SULF2: variants seen among roughly 807,000 people sequenced by gnomAD.
SULF2 encodes extracellular sulfatase Sulf-2.
A neutral mutation model predicts 107.7 loss-of-function variants in SULF2; 52 were observed. That is an observed-to-expected ratio of 0.48 (90% CI 0.39 to 0.61). SULF2 has a LOEUF of 0.61. SULF2 is among the 20% of genes least tolerant of loss of function. SULF2 has a pLI of 0.00. For missense variants in SULF2, 993 were observed against 1,177.3 expected, an observed-to-expected ratio of 0.84 and a Z score of 2.29; for synonymous variants, 460 against 464.3, an observed-to-expected ratio of 0.99 and a Z score of 0.12.
intron 3 of SULF2, among the ~76,000 whole-genome samples, chr20:47,731,191 T>TTTTTTTTTTTTTTTTTTTTA (rs2089599006): frequency 1.0e-5 from 1 of 96,476 alleles, no homozygotes; most frequent in African/African-American, 4.2e-5. Flanking sequence ...TCTTCTCTTT[T>TTTTTTTTTTTTTTTTTTTTA]TTTTTTTTTT....
chr20:47,700,794 C>T (rs549908701), intron 4 of SULF2, among the ~76,000 whole-genome samples: 4 of 152,170 alleles, frequency 2.6e-5, no homozygotes, highest in East Asian at 1.9e-4. Context: ...TACAGGCGCC[C>T]GCCACCACGC....
At chr20:47,665,979 G>T in intron 12 of SULF2, 26 bp from the exon 13 acceptor site, 1 of 1,610,534 alleles carries the variant, frequency 6.2e-7, no homozygotes, top group East Asian at 2.2e-5. Flanking sequence ...GATCACGTGT[G>T]GCTCGGAGGT....
At chr20:47,770,776 G>T (rs1180709729) in intron 1 of SULF2, among the ~76,000 whole-genome samples, 1 of 152,120 alleles carries the variant, frequency 6.6e-6, no homozygotes, top group African/African-American at 2.4e-5. Flanking sequence ...GGGAGGGGCT[G>T]CGGAGTGGGC....
chr20:47,757,057 G>A (rs1406898926), intron 2 of SULF2, 132 bp downstream of exon 2: 5 of 800,032 alleles, frequency 6.2e-6, no homozygotes, highest in African/African-American at 5.2e-5. Flanking sequence ...TGGGTGGCCC[G>A]TGTCTTGGTT....
intron 4 of SULF2, among the ~76,000 whole-genome samples, chr20:47,699,012 C>T (rs1048725401): frequency 9.9e-5 from 15 of 152,164 alleles, no homozygotes; most frequent in African/African-American, 3.1e-4. Context: ...GTCTGGGCAA[C>T]AAGCACAAAA....
At chr20:47,783,007 TCTAC>T (rs1215306133) in intron 1 of SULF2, among the ~76,000 whole-genome samples, 1 of 152,204 alleles carries the variant, frequency 6.6e-6, no homozygotes, top group East Asian at 1.9e-4. Context: ...GAATCCCAGC[TCTAC>T]CTGTGACCAG....
Position 47,678,517 on chromosome 20 carries a change from C to CTTCTCTCCCACGGGGACCATGG in SULF2, c.1193+158_1193+159insCCATGGTCCCCGTGGGAGAGAA. ...ACAGAATCTCGGAGAGGGGACCATG[C>CTTCTCTCCCACGGGGACCATGG]TTCTCTCCCACAGCAGGTAAGTGGT... On this transcript the variant is annotated intron_variant, in intron 8 of 20. Transcript: ENST00000688720. The surrounding 1 kb of genome is among the most constrained non-coding windows in gnomAD (Gnocchi z 4.5). 1 of 933,388 alleles carries CTTCTCTCCCACGGGGACCATGG rather than the reference C, an allele frequency of 1.1e-6. No homozygotes were observed. Among genetic ancestry groups the CTTCTCTCCCACGGGGACCATGG allele is most frequent in the Non-Finnish European group, 1.6e-6 (1 of 618,952 alleles). 57.8% of individuals were successfully genotyped at this position (933,388 alleles called of 1,614,324 possible).
intron 4 of SULF2, among the ~76,000 whole-genome samples, chr20:47,697,977 G>A (rs1287980440): frequency 2.6e-5 from 4 of 152,256 alleles, no homozygotes; most frequent in Non-Finnish European, 4.4e-5. Flanking sequence ...ATTCCAAGGA[G>A]TCCATGCCGG....
chr20:47,786,577 G>C (rs1333963827), upstream of SULF2: 2 of 152,116 alleles, frequency 1.3e-5, no homozygotes, highest in East Asian at 1.9e-4. Context: ...AATTAACTTC[G>C]GCTCAAGTGA....
chr20:47,765,604 C>T (rs915705224), intron 1 of SULF2, among the ~76,000 whole-genome samples: 2 of 152,146 alleles, frequency 1.3e-5, no homozygotes, highest in African/African-American at 4.8e-5. Context: ...TCATTTCTCT[C>T]TTCCTTCATT....
At chr20:47,672,024 C>T (rs1423735198) in intron 11 of SULF2, among the ~76,000 whole-genome samples, 174 bp downstream of exon 11, 1 of 152,182 alleles carries the variant, frequency 6.6e-6, no homozygotes, top group Non-Finnish European at 1.5e-5. Flanking sequence ...CTGTTTATTA[C>T]TACTGCTCCC....
At chr20:47,744,245 C>T (rs766344040) in intron 2 of SULF2, among the ~76,000 whole-genome samples, 38 of 152,180 alleles carry the variant, frequency 2.5e-4, no homozygotes, top group East Asian at 1.9e-4. Flanking sequence ...TGCAGCGGCG[C>T]GATCTCGGCT....
intron 18 of SULF2, 46 bp from the exon 19 acceptor site, chr20:47,659,776 G>C: frequency 2.0e-6 from 3 of 1,521,180 alleles, no homozygotes; most frequent in Non-Finnish European, 2.7e-6. Context: ...AGATAGTTTA[G>C]GCAAAACAAC....
chr20:47,737,037 G>C, intron 2 of SULF2, 95 bp from the exon 3 acceptor site: 1 of 1,563,232 alleles, frequency 6.4e-7, no homozygotes, highest in Non-Finnish European at 8.7e-7. Flanking sequence ...TAGGTCTGGA[G>C]TGGGCACATT....
chr20:47,690,783 C>T (rs529065036), intron 4 of SULF2, among the ~76,000 whole-genome samples: 6 of 151,024 alleles, frequency 4.0e-5, no homozygotes, highest in African/African-American at 1.2e-4. Context: ...GCAGGAGAAT[C>T]GCTTGAACAC....
intron 2 of SULF2, among the ~76,000 whole-genome samples, chr20:47,740,535 G>A (rs565383043): frequency 3.9e-5 from 6 of 152,164 alleles, no homozygotes; most frequent in Non-Finnish European, 7.3e-5. Flanking sequence ...GCCACTGGGA[G>A]CTCCAGGCAG....
At chr20:47,745,149 G>A (rs952768549) in intron 2 of SULF2, among the ~76,000 whole-genome samples, 8 of 151,824 alleles carry the variant, frequency 5.3e-5, no homozygotes, top group Admixed American at 1.3e-4. Flanking sequence ...TAGGTATAAG[G>A]TTTGACTATG....
chr20:47,711,093 G>A (rs945919505), intron 3 of SULF2, among the ~76,000 whole-genome samples: 38 of 152,224 alleles, frequency 2.5e-4, no homozygotes, highest in African/African-American at 8.0e-4. Context: ...GACAATGGGG[G>A]AGACAGAGGG....
Position 47,677,400 on chromosome 20 carries a change from CTGTG to C in SULF2, c.1194-270_1194-267del, listed in dbSNP as rs58936261. ...ATCACTGTAAGTCCCACCCAAGTAA[CTGTG>C]TGTGTGTGTGTGTGTGTGTGTGTGT... On this transcript the variant is annotated intron_variant, in intron 8 of 20. Transcript: ENST00000688720. 8.6e-4 allele frequency among the ~76,000 whole-genome samples: 124 copies of C among 143,996 alleles called. 1 individual carries two copies. Among genetic ancestry groups the C allele is most frequent in the South Asian group, 4.1e-3 (18 of 4,404 alleles). 94.5% of individuals were successfully genotyped at this position (143,996 alleles called of 152,430 possible).
Sources: allele counts gnomAD v4.1 joint callset (sites outside exome capture counted in the v4.1 genomes callset), GRCh38; gene constraint gnomAD v4.1.1; non-coding constraint Gnocchi (gnomAD v3.1); transcripts MANE v1.5; gene names NCBI Gene and HGNC (gene_info 2026-07-23, HGNC 2026-07-21).